The following BRINP3 variants were observed in gnomAD, a reference collection of about 807,000 sequenced individuals.
BRINP3 encodes the protein BMP/retinoic acid inducible neural specific 3.
In BRINP3, 19 loss-of-function variants were observed where a neutral mutation model predicts 71.0. The observed-to-expected ratio is 0.27, with a 90% CI of 0.19 to 0.39. BRINP3 has a LOEUF of 0.39. BRINP3 is among the 10% of genes least tolerant of loss of function. The probability of loss-of-function intolerance (pLI) is 1.00; values close to 1 mark genes in which losing one functional copy is unlikely to be tolerated. For synonymous variants in BRINP3, 380 were observed against 337.7 expected (o/e 1.13, Z -1.37); for missense variants, 959 against 940.8 (o/e 1.02, Z -0.25).
At chr1:190,378,454 G>C (rs1460342231) in intron 2 of BRINP3, among the ~76,000 whole-genome samples, 1 of 152,062 alleles carries the variant, frequency 6.6e-6, no homozygotes, top group African/African-American at 2.4e-5. Context: ...TTTGCCCTGG[G>C]TTGTCTTTTG....
At chr1:190,129,748 C>T (rs1049577979) in intron 7 of BRINP3, among the ~76,000 whole-genome samples, 2 of 151,892 alleles carry the variant, frequency 1.3e-5, no homozygotes, top group Non-Finnish European at 1.5e-5. Flanking sequence ...ATGTGTATAT[C>T]AATTCTATAT....
intron 6 of BRINP3, among the ~76,000 whole-genome samples, chr1:190,202,579 T>C (rs1469526672): frequency 6.6e-6 from 1 of 152,090 alleles, no homozygotes; most frequent in Admixed American, 6.6e-5. Flanking sequence ...CCAAATCTCA[T>C]ATTGTAGCTC....
intron 6 of BRINP3, among the ~76,000 whole-genome samples, chr1:190,174,772 T>G (rs1337276323): frequency 6.8e-6 from 1 of 147,936 alleles, no homozygotes; most frequent in Non-Finnish European, 1.5e-5. Flanking sequence ...AATCATATGT[T>G]AGTTCATATT....
rs146596888 is a variant in BRINP3, at chr1:190,129,231, T to C, written c.1185-30097A>G. Among the ~76,000 whole-genome samples, 166 of 151,936 alleles carry C rather than the reference T, an allele frequency of 1.1e-3. 1 individual carries two copies. Among genetic ancestry groups the C allele is most frequent in the African/African-American group, 3.8e-3 (156 of 41,524 alleles). ...AGCTAATAAACAAATCCTATTTTTT[T>C]AGTCGTTTTCCTCTTACCAATAGTT... is the stretch of plus-strand genomic sequence containing the variant. On this transcript the variant is annotated intron_variant, in intron 7 of 7. Transcript: ENST00000367462.
At chr1:190,107,436 T>A (rs1371652726) in intron 7 of BRINP3, among the ~76,000 whole-genome samples, 1 of 151,990 alleles carries the variant, frequency 6.6e-6, no homozygotes, top group Non-Finnish European at 1.5e-5. Flanking sequence ...CAGTTTAAGA[T>A]TTAAATTCAA....
intron 2 of BRINP3, among the ~76,000 whole-genome samples, chr1:190,408,108 G>A (rs1672412881): frequency 2.3e-5 from 3 of 132,754 alleles, no homozygotes; most frequent in South Asian, 5.1e-4. Context: ...TGCAAGCTCC[G>A]CCTCCCGGGT....
At chr1:190,202,488 A>T (rs1466801227) in intron 6 of BRINP3, among the ~76,000 whole-genome samples, 1 of 152,134 alleles carries the variant, frequency 6.6e-6, no homozygotes, top group Non-Finnish European at 1.5e-5. Context: ...TTGGGAAGGC[A>T]TGATTGGTTT....
chr1:190,141,555 C>CTTTTTTTTTTTTTT (rs35090212), intron 7 of BRINP3, among the ~76,000 whole-genome samples: 15 of 82,366 alleles, frequency 1.8e-4, no homozygotes, highest in South Asian at 1.1e-3. Context: ...TCTTTCTTTC[C>CTTTTTTTTTTTTTT]TTTTTTTTTT....
At chr1:190,462,603 T>C (rs1263832636) in intron 1 of BRINP3, among the ~76,000 whole-genome samples, 5 of 152,178 alleles carry the variant, frequency 3.3e-5, no homozygotes, top group East Asian at 1.9e-4. Flanking sequence ...AATGAAATGC[T>C]ATTTTTATTT....
chr1:190,320,759 G>A (rs1278526967), intron 2 of BRINP3, among the ~76,000 whole-genome samples: 1 of 151,776 alleles, frequency 6.6e-6, no homozygotes, highest in African/African-American at 2.4e-5. Flanking sequence ...TTGGGGTGTG[G>A]GAGGAAACTG....
chr1:190,470,220 G>C (rs1301840104), intron 1 of BRINP3, among the ~76,000 whole-genome samples: 2 of 150,930 alleles, frequency 1.3e-5, no homozygotes, highest in Non-Finnish European at 3.0e-5. Flanking sequence ...GATGAGCTTG[G>C]CTAATACTCA....
At chr1:190,429,616 A>C (rs1673958905) in intron 2 of BRINP3, among the ~76,000 whole-genome samples, 1 of 139,960 alleles carries the variant, frequency 7.1e-6, no homozygotes, top group Non-Finnish European at 1.5e-5. Context: ...TTTGTGAAGG[A>C]GTCTTGCTCT....
intron 2 of BRINP3, among the ~76,000 whole-genome samples, chr1:190,355,013 A>G (rs985083352): frequency 3.9e-5 from 6 of 151,982 alleles, no homozygotes; most frequent in Non-Finnish European, 7.4e-5. Flanking sequence ...TAGTCTTTCT[A>G]AATTCTTCAG....
At chr1:190,197,854 C>T (rs1654629478) in intron 6 of BRINP3, among the ~76,000 whole-genome samples, 2 of 152,120 alleles carry the variant, frequency 1.3e-5, no homozygotes, top group Admixed American at 6.5e-5. Flanking sequence ...ATTCACTAGG[C>T]AGTTTTCCAG....
intron 2 of BRINP3, among the ~76,000 whole-genome samples, chr1:190,352,787 G>A (rs1333661580): frequency 6.6e-6 from 1 of 151,632 alleles, no homozygotes. Context: ...AAATTCATAA[G>A]AGAAAATACT....
chr1:190,133,228 GA>G (rs1654687488), intron 7 of BRINP3, among the ~76,000 whole-genome samples: 1 of 152,056 alleles, frequency 6.6e-6, no homozygotes, highest in Admixed American at 6.6e-5. Flanking sequence ...TATTCTCTAA[GA>G]ACTTGTAACA....
intron 2 of BRINP3, among the ~76,000 whole-genome samples, chr1:190,290,207 A>G (rs1281428797): frequency 6.6e-6 from 1 of 152,078 alleles, no homozygotes; most frequent in Non-Finnish European, 1.5e-5. Flanking sequence ...CTCTAAACTG[A>G]GAAACACTAA....
chr1:190,407,318 A>G (rs1571971828), intron 2 of BRINP3, among the ~76,000 whole-genome samples: 2 of 152,208 alleles, frequency 1.3e-5, no homozygotes, highest in East Asian at 1.9e-4. Flanking sequence ...TTTCTGCCAT[A>G]TAAGTCTGGG....
intron 2 of BRINP3, among the ~76,000 whole-genome samples, chr1:190,412,123 A>G (rs747518594): frequency 2.1e-4 from 32 of 151,930 alleles, no homozygotes; most frequent in Non-Finnish European, 4.4e-4. Context: ...ACTTTGCAAT[A>G]CCTAAAATAG....
Sources: allele counts gnomAD v4.1 joint callset (sites outside exome capture counted in the v4.1 genomes callset), GRCh38; gene constraint gnomAD v4.1.1; transcripts MANE v1.5; gene names NCBI Gene and HGNC (gene_info 2026-07-23, HGNC 2026-07-21).